The following VPS8 variants were observed in gnomAD, a reference collection of about 807,000 sequenced individuals.
VPS8 encodes the protein vacuolar protein sorting-associated protein 8 homolog.
A neutral mutation model predicts 216.4 loss-of-function variants in VPS8; 129 were observed. The ratio of observed to expected loss-of-function variants is 0.60; its 90% CI spans 0.52 to 0.69. VPS8 has a LOEUF of 0.69. VPS8 is among the 30% of genes least tolerant of loss of function. VPS8 has a pLI of 0.00. For synonymous variants in VPS8, 571 were observed against 565.4 expected (o/e 1.01, Z -0.14); for missense variants, 1,531 against 1,683.5 (o/e 0.91, Z 1.59).
intron 24 of VPS8, 79 bp from the exon 25 acceptor site, chr3:184,900,842 T>C (rs1039730542): frequency 8.0e-6 from 10 of 1,252,882 alleles, no homozygotes; most frequent in Middle Eastern, 2.6e-4. Flanking sequence ...CGAATGGTGA[T>C]GAATAGCATA....
chr3:184,882,314 G>A lies in VPS8; in HGVS notation c.1735-3796G>A, dbSNP rs149826471. 1.9e-3 allele frequency: 834 copies of A among 437,000 alleles called. 7 individuals are homozygous for A. Among genetic ancestry groups the A allele is most frequent in the African/African-American group, 0.015 (754 of 48,966 alleles). 27.1% of individuals were successfully genotyped at this position (437,000 alleles called of 1,614,324 possible). A position where few individuals can be genotyped will look rare whatever the true frequency, so the allele number is the denominator to read the frequency against. On this transcript the variant is annotated intron_variant, in intron 21 of 47. Transcript: ENST00000625842. ...GAATTTTGTCAGTTGCTTTTTCTATGTAATTAATATGATCATGTGATTTTT... is the reference window on the plus strand; with the variant it reads ...GAATTTTGTCAGTTGCTTTTTCTATATAATTAATATGATCATGTGATTTTT...
chr3:185,027,327 T>C (rs1321467742), intron 46 of VPS8, among the ~76,000 whole-genome samples: 3 of 149,372 alleles, frequency 2.0e-5, no homozygotes, highest in East Asian at 2.0e-4. Context: ...ACTGCAAGCT[T>C]CGCCTCCCGG....
In VPS8 at chr3:184,854,105, C is replaced by T; in HGVS notation, c.976-9C>T. 6.2e-7 allele frequency: 1 copy of T among 1,613,586 alleles called. No individual in the cohort carries two copies. Among genetic ancestry groups the T allele is most frequent in the South Asian group, 1.1e-5 (1 of 91,042 alleles). On this transcript the variant is annotated splice_polypyrimidine_tract_variant and intron_variant, in intron 12 of 47. Coordinates refer to ENST00000625842, the MANE Select transcript of VPS8 (RefSeq NM_001009921.3). Reference sequence around the variant, plus strand: ...AGGTCAATATTGAAAACATATTTTTCTCTTACAGATACTGGTCATTGGATT... The same window carrying T: ...AGGTCAATATTGAAAACATATTTTTTTCTTACAGATACTGGTCATTGGATT...
intron 46 of VPS8, among the ~76,000 whole-genome samples, chr3:185,045,173 G>GAAATTTACAGAAGCGCC (rs376530454): frequency 2.4e-4 from 36 of 151,544 alleles, no homozygotes; most frequent in African/African-American, 8.2e-4. Context: ...ATTGCCACCA[G>GAAATTTACAGAAGCGCC]TGTCAATACA....
intron 3 of VPS8, among the ~76,000 whole-genome samples, chr3:184,827,073 A>G (rs1718955523): frequency 6.6e-6 from 1 of 152,180 alleles, no homozygotes. Flanking sequence ...GTATAAATCT[A>G]TTTCAAATCC....
intron 46 of VPS8, among the ~76,000 whole-genome samples, chr3:185,045,729 T>G (rs1712719999): frequency 8.4e-6 from 1 of 119,138 alleles, no homozygotes; most frequent in Non-Finnish European, 1.7e-5. Flanking sequence ...ATCACGCCAC[T>G]GCACTCCAGC....
intron 42 of VPS8, among the ~76,000 whole-genome samples, chr3:184,991,483 A>G (rs1002172349): frequency 6.6e-6 from 1 of 152,202 alleles, no homozygotes; most frequent in Admixed American, 6.5e-5. Flanking sequence ...TAAATTATGT[A>G]TATTACAGTG....
At chr3:185,038,767 G>A (rs1759242142) in intron 46 of VPS8, among the ~76,000 whole-genome samples, 1 of 152,220 alleles carries the variant, frequency 6.6e-6, no homozygotes, top group South Asian at 2.1e-4. Flanking sequence ...CCCCAGTCTA[G>A]TTGTTGAATG....
At chr3:185,020,871 G>A (rs577892757) in intron 45 of VPS8, among the ~76,000 whole-genome samples, 3 of 152,208 alleles carry the variant, frequency 2.0e-5, no homozygotes, top group Middle Eastern at 3.4e-3. Context: ...TCAGGAGTTC[G>A]ACACCAGCTG....
At chr3:184,981,359 G>A (rs1380739897) in intron 40 of VPS8, among the ~76,000 whole-genome samples, 1 of 151,862 alleles carries the variant, frequency 6.6e-6, no homozygotes, top group African/African-American at 2.4e-5. Flanking sequence ...CAGCAGTGGT[G>A]TGGGGTGTGC....
rs757245560 is a variant in VPS8 at position 184,964,481 on chromosome 3, A to G, written c.3197A>G (p.Tyr1066Cys). 1 of 1,506,702 alleles carries G rather than the reference A, an allele frequency of 6.6e-7. No homozygotes were observed. The highest frequency in any genetic ancestry group is 1.3e-5 in the South Asian group (1 of 75,688). 93.3% of individuals were successfully genotyped at this position (1,506,702 alleles called of 1,614,324 possible). A position where few individuals can be genotyped will look rare whatever the true frequency, so the allele number is the denominator to read the frequency against. ...LEETIQITQKYQLHEVTAYLL... is the reference protein window; with the variant it reads ...LEETIQITQKCQLHEVTAYLL... ...TTTATTTCCTAGATTACTCAGAAGT[A>G]TCAACTTCATGAAGTCACCGCTTAT... Residue 1066 changes from tyrosine to cysteine, a missense_variant, in exon 38 of 48, where the codon TAT (tyrosine) becomes TGT (cysteine). Tyr to Cys is a radical substitution (Grantham distance 194). Transcript: ENST00000625842.
At chr3:184,900,791 T>C (rs1264257589) in intron 24 of VPS8, 130 bp from the exon 25 acceptor site, 4 of 760,958 alleles carry the variant, frequency 5.3e-6, no homozygotes, top group Non-Finnish European at 4.2e-6. Context: ...GATTAAAGGT[T>C]TTCATATTTA....
chr3:184,976,333 T>C (rs2109689192), intron 40 of VPS8, among the ~76,000 whole-genome samples: 1 of 152,242 alleles, frequency 6.6e-6, no homozygotes, highest in African/African-American at 2.4e-5. Flanking sequence ...ATTTTTTTAT[T>C]CCTAGATTTT....
At chr3:185,025,699 TCTCA>T (rs780100796) in intron 46 of VPS8, among the ~76,000 whole-genome samples, 13 of 152,208 alleles carry the variant, frequency 8.5e-5, no homozygotes, top group South Asian at 2.1e-4. Context: ...GTCATTTTAG[TCTCA>T]CTCAGTAAGT....
In VPS8 at chr3:185,008,963, G is replaced by C. The variant is rs7646192; in HGVS notation, c.4002+9102G>C. On this transcript the variant is annotated intron_variant, in intron 45 of 47. Coordinates refer to ENST00000625842, the MANE Select transcript of VPS8 (RefSeq NM_001009921.3). ...GAGGGAAACCTACTTTAGATTAGGA[G>C]ACAAATGTCTTGTTCGGTCAAGAGT... Among the ~76,000 whole-genome samples the C allele has an allele frequency of 4.1e-3, 622 of 152,368 alleles. 5 individuals are homozygous for C. Among genetic ancestry groups the C allele is most frequent in the African/African-American group, 0.014 (601 of 41,590 alleles).
intron 5 of VPS8, among the ~76,000 whole-genome samples, chr3:184,836,998 TG>T (rs1721217165): frequency 6.6e-6 from 1 of 152,190 alleles, no homozygotes; most frequent in Admixed American, 6.5e-5. Context: ...CTTAGTGTAG[TG>T]TTTTTTTTCA....
intron 45 of VPS8, among the ~76,000 whole-genome samples, chr3:185,007,312 C>A (rs770708161): frequency 7.9e-5 from 12 of 152,126 alleles, no homozygotes; most frequent in Non-Finnish European, 1.5e-4. Context: ...ACTCAACATT[C>A]TAGTATATTT....
At chr3:184,873,382 A>T (rs1437763149) in intron 21 of VPS8, among the ~76,000 whole-genome samples, 2 of 152,116 alleles carry the variant, frequency 1.3e-5, no homozygotes, top group Non-Finnish European at 2.9e-5. Context: ...AAGAATGAGA[A>T]TTACAGCAAG....
intron 8 of VPS8, among the ~76,000 whole-genome samples, chr3:184,845,827 A>G (rs183363094): frequency 8.5e-5 from 13 of 152,072 alleles, no homozygotes; most frequent in Admixed American, 4.6e-4. Flanking sequence ...GAGTCAAAGT[A>G]GATTACATTT....
Sources: gnomAD v4.1 joint callset for allele counts (sites outside exome capture counted in the v4.1 genomes callset) on GRCh38, gnomAD v4.1.1 for gene constraint, MANE v1.5 for transcripts, NCBI Gene and HGNC (gene_info 2026-07-23, HGNC 2026-07-21) for gene names.